Variants in SRP19 observed in about 807,000 individuals in gnomAD.
SRP19 encodes signal recognition particle 19 kDa protein.
Under a neutral mutation model 22.4 loss-of-function variants are expected in SRP19, and 11 were observed. The ratio of observed to expected loss-of-function variants is 0.49; its 90% CI spans 0.31 to 0.81. The LOEUF (loss-of-function observed/expected upper bound fraction) is 0.81. Among genes scored for constraint, SRP19 ranks in the 40% least tolerant of loss-of-function variants. The pLI is 0.05. For missense variants in SRP19, 168 were observed against 175.9 expected, an observed-to-expected ratio of 0.96 and a Z score of 0.25; for synonymous variants, 61 against 57.6, an observed-to-expected ratio of 1.06 and a Z score of -0.27.
At chr5:112,890,097 G>T (rs1768388129) in intron 4 of SRP19, among the ~76,000 whole-genome samples, 2 of 150,272 alleles carry the variant, frequency 1.3e-5, no homozygotes, top group Non-Finnish European at 2.9e-5. Flanking sequence ...AAAGTGCTGG[G>T]ATTACAGGCG....
chr5:112,892,172 C>A (rs1277565765), exon 5 of SRP19: 12 of 1,614,006 alleles, frequency 7.4e-6, no homozygotes, highest in Non-Finnish European at 1.0e-5. Flanking sequence ...GCTAATTGTC[C>A]CTTCTACAGT....
At chr5:112,863,085 G>A (rs1767466832) in intron 2 of SRP19, among the ~76,000 whole-genome samples, 1 of 152,026 alleles carries the variant, frequency 6.6e-6, no homozygotes, top group African/African-American at 2.4e-5. Context: ...AGTACATCTG[G>A]GTGGTAACAA....
In SRP19 at chr5:112,869,604, C is replaced by T. The variant is rs1767711802; in HGVS notation, c.*2067C>T. The T allele has an allele frequency of 6.6e-6, 1 of 152,216 alleles. No individual in the cohort carries two copies. Among genetic ancestry groups the T allele is most frequent in the Non-Finnish European group, 1.5e-5 (1 of 68,090 alleles). 9.4% of individuals were successfully genotyped at this position (152,216 alleles called of 1,614,324 possible). Reference sequence around the variant, plus strand: ...TGATATGGTTTGGCTGCTACCCAACCCAAAATCTCATCTTGAATTATAATC... The same window carrying T: ...TGATATGGTTTGGCTGCTACCCAACTCAAAATCTCATCTTGAATTATAATC... On this transcript the variant is annotated 3_prime_UTR_variant, in exon 5 of 5. Coordinates refer to ENST00000505459, the MANE Select transcript of SRP19 (RefSeq NM_003135.3).
At chr5:112,891,158 T>C (rs1245277669) in intron 4 of SRP19, among the ~76,000 whole-genome samples, 3 of 142,042 alleles carry the variant, frequency 2.1e-5, no homozygotes, top group Non-Finnish European at 1.5e-5. Context: ...CTGCAACCTC[T>C]GCCTCCTGGG....
Position 112,869,639 on chromosome 5 carries a change from C to T in SRP19, c.*2102C>T, listed in dbSNP as rs948307379. 1.3e-5 allele frequency: 2 copies of T among 152,234 alleles called. No homozygotes were observed. Among genetic ancestry groups the T allele is most frequent in the Admixed American group, 1.3e-4 (2 of 15,274 alleles). The allele number at this position is 152,234 out of a possible 1,614,324, so 9.4% of individuals were successfully genotyped here. Reference sequence around the variant, plus strand: ...ATCTTGAATTATAATCCCCAAATCCCTATGTGTTAAGGGTGGGACCAGGTG... The same window carrying T: ...ATCTTGAATTATAATCCCCAAATCCTTATGTGTTAAGGGTGGGACCAGGTG... On this transcript the variant is annotated 3_prime_UTR_variant, in exon 5 of 5. Coordinates refer to ENST00000505459, the MANE Select transcript of SRP19 (RefSeq NM_003135.3).
chr5:112,878,186 G>GTAT (rs1180048070), intron 4 of SRP19: 1 of 152,618 alleles, frequency 6.6e-6, no homozygotes, highest in Non-Finnish European at 1.5e-5. Flanking sequence ...ATTTCCTAAA[G>GTAT]TATTATTTAG....
chr5:112,886,991 G>T (rs1198754703), intron 4 of SRP19: 7 of 1,559,436 alleles, frequency 4.5e-6, no homozygotes, highest in Non-Finnish European at 6.1e-6. Context: ...TCACATGTGG[G>T]GCCATCTTGT....
intron 4 of SRP19, among the ~76,000 whole-genome samples, chr5:112,875,556 C>T (rs962112796): frequency 6.6e-6 from 1 of 151,914 alleles, no homozygotes; most frequent in Non-Finnish European, 1.5e-5. Flanking sequence ...TTTGTAGAGG[C>T]AGGGTCTCAC....
downstream of SRP19, chr5:112,893,217 C>G: frequency 7.9e-6 from 3 of 380,294 alleles, no homozygotes; most frequent in South Asian, 1.0e-4. Flanking sequence ...TGAGGCCAGC[C>G]TGGCCAACAT....
chr5:112,874,129 G>A (rs1159003277), downstream of SRP19, among the ~76,000 whole-genome samples: 8 of 152,176 alleles, frequency 5.3e-5, no homozygotes, highest in Non-Finnish European at 1.2e-4. Flanking sequence ...TCATGCCACT[G>A]CACTCCAGCC....
In SRP19 at chr5:112,868,702, C is replaced by T. The variant is rs1243351590; in HGVS notation, c.*1165C>T. The T allele has an allele frequency of 6.6e-6, 1 of 151,718 alleles. No individual in the cohort carries two copies. The highest frequency in any genetic ancestry group is 1.5e-5 in the Non-Finnish European group (1 of 67,954). The allele number at this position is 151,718 out of a possible 1,614,324, so 9.4% of individuals were successfully genotyped here. On this transcript the variant is annotated 3_prime_UTR_variant, in exon 5 of 5. Coordinates refer to ENST00000505459, the MANE Select transcript of SRP19 (RefSeq NM_003135.3). ...GGCATGAGCCACCGTGCCCGGCCTT[C>T]TTTACATTTTTATTGCTCACAGTCA...
chr5:112,888,975 C>T (rs1406240871), intron 4 of SRP19, among the ~76,000 whole-genome samples: 1 of 150,834 alleles, frequency 6.6e-6, no homozygotes, highest in African/African-American at 2.5e-5. Context: ...ATAAGTCTCA[C>T]GAGATGTGAT....
chr5:112,886,918 G>C (rs1330050337), intron 4 of SRP19: 1 of 837,298 alleles, frequency 1.2e-6, no homozygotes, highest in Non-Finnish European at 1.9e-6. Flanking sequence ...TTGGCTGAGG[G>C]GTGGTGATAA....
At chr5:112,870,611 T>C (rs1447644668), downstream of SRP19, among the ~76,000 whole-genome samples, 1 of 152,218 alleles carries the variant, frequency 6.6e-6, no homozygotes, top group Admixed American at 6.5e-5. Flanking sequence ...AAAATGCATG[T>C]TGAAATTTAA....
downstream of SRP19, chr5:112,895,523 C>G (rs1768655729): frequency 6.6e-6 from 1 of 152,118 alleles, no homozygotes; most frequent in Admixed American, 6.6e-5. Context: ...TGTACCTCTT[C>G]AATGTGATTA....
Position 112,882,591 on chromosome 5 carries a change from T to A in SRP19, c.302-9012T>A, listed in dbSNP as rs534857018. On this transcript the variant is annotated intron_variant, in intron 4 of 4. Coordinates refer to the SRP19 transcript ENST00000391338. ...CATGAACGCAAATCTCAAGCATGCC[T>A]TTAACACTGCCTGACAGTCCATTTA... is the stretch of plus-strand genomic sequence containing the variant. Among the ~76,000 whole-genome samples the A allele has an allele frequency of 2.0e-5, 3 of 152,304 alleles. No individual in the cohort carries two copies. The South Asian group carries it at 6.2e-4, about 32-fold the overall frequency.
At chr5:112,891,730 G>C in exon 5 of SRP19, 1 of 1,614,120 alleles carries the variant, frequency 6.2e-7, no homozygotes, top group Non-Finnish European at 8.5e-7. Context: ...CCTGAAGAAG[G>C]AGAAACGAAA....
At chr5:112,884,779 GCC>G (rs35461707) in intron 4 of SRP19, among the ~76,000 whole-genome samples, 20 of 147,816 alleles carry the variant, frequency 1.4e-4, no homozygotes, top group African/African-American at 5.0e-4. Context: ...CCAGTCCTTG[GCC>G]CCCCCCCATC....
Position 112,864,646 on chromosome 5 carries a change from G to A in SRP19, c.215G>A (p.Trp72Ter), listed in dbSNP as rs1196927346. ...LEKNKMYSRE[W>*]NRDVQYRGRV... ...AAAAATAAAATGTACTCTAGAGAAT[G>A]GAATCGTGATGTCCAATACAGAGGC... The change falls in exon 4 of 5, where the codon TGG becomes TAG. Residue 72 changes from tryptophan to a stop codon, truncating the protein, a stop_gained. Coordinates refer to ENST00000505459, the MANE Select transcript of SRP19 (RefSeq NM_003135.3). LOFTEE classifies it high-confidence loss of function. 1.2e-6 allele frequency: 2 copies of A among 1,614,138 alleles called. No homozygotes were observed. Among genetic ancestry groups the A allele is most frequent in the South Asian group, 1.1e-5 (1 of 91,084 alleles).
Sources: allele counts gnomAD v4.1 joint callset (sites outside exome capture counted in the v4.1 genomes callset), GRCh38; gene constraint gnomAD v4.1.1; transcripts MANE v1.5; gene names NCBI Gene and HGNC (gene_info 2026-07-23, HGNC 2026-07-21).